FAM135B: variants seen among roughly 807,000 people sequenced by gnomAD.
FAM135B encodes the protein family with sequence similarity 135 member B, also known as protein FAM135B.
A neutral mutation model predicts 127.7 loss-of-function variants in FAM135B; 43 were observed. That is an observed-to-expected ratio of 0.34 (90% confidence interval 0.26 to 0.43). The LOEUF is 0.43. FAM135B is among the 20% of genes least tolerant of loss of function. FAM135B has a pLI of 1.00. For missense variants in FAM135B, 1,558 were observed against 1,725.6 expected (o/e 0.90, Z 1.72); for synonymous variants, 670 against 665.1 (o/e 1.01, Z -0.11).
intron 1 of FAM135B, among the ~76,000 whole-genome samples, chr8:138,492,565 T>C (rs954815817): frequency 1.3e-5 from 2 of 152,096 alleles, no homozygotes; most frequent in African/African-American, 4.8e-5. Flanking sequence ...AAAGACTGGC[T>C]TGCAAAACTC....
intron 7 of FAM135B, among the ~76,000 whole-genome samples, chr8:138,198,682 A>G (rs1221132645): frequency 1.3e-5 from 2 of 152,240 alleles, no homozygotes; most frequent in South Asian, 2.1e-4. Flanking sequence ...AACTGGTACA[A>G]TTACAAAGTA....
At chr8:138,381,277 A>G (rs1005236260) in intron 1 of FAM135B, among the ~76,000 whole-genome samples, 1 of 152,106 alleles carries the variant, frequency 6.6e-6, no homozygotes, top group African/African-American at 2.4e-5. Flanking sequence ...CACTACCTCT[A>G]AATATGGTTT....
rs368086363 is a variant in FAM135B, at chr8:138,178,667, G to A, written c.897C>T (p.Ile299=). Residue 299 remains isoleucine, a synonymous_variant, in exon 10 of 20, where the codon ATC becomes ATT. Coordinates refer to ENST00000395297, the MANE Select transcript of FAM135B (RefSeq NM_015912.4). ...CCAGATCCTTGCTTATCTGCTCAGC[G>A]ATCTTCTCTGGATTGTTCAACATCT... ...ELQMLNNPEK[I]AEQISKDLAW... is the part of the protein sequence containing the mutation. The A allele has an allele frequency of 1.2e-5, 19 of 1,613,520 alleles. No individual in the cohort carries two copies. The highest frequency in any genetic ancestry group is 1.7e-4 in the Middle Eastern group (1 of 6,054).
rs149219620 is a variant in FAM135B at position 138,170,404 on chromosome 8, T to C, written c.1104-2355A>G. On this transcript the variant is annotated intron_variant, in intron 11 of 19. Transcript: ENST00000395297. ...CACCTGGCTAATTTTGTATTTTTAGTAGGGACAGGGTTTTTCCGTGTTGGT... is the reference window on the plus strand; with the variant it reads ...CACCTGGCTAATTTTGTATTTTTAGCAGGGACAGGGTTTTTCCGTGTTGGT... 6.7e-3 allele frequency among the ~76,000 whole-genome samples: 1,021 copies of C among 152,034 alleles called. 9 individuals carry two copies. Among genetic ancestry groups the C allele is most frequent in the African/African-American group, 0.023 (938 of 41,454 alleles).
intron 2 of FAM135B, among the ~76,000 whole-genome samples, chr8:138,346,807 T>G (rs576531718): frequency 6.6e-6 from 1 of 152,196 alleles, no homozygotes; most frequent in South Asian, 2.1e-4. Flanking sequence ...ACCCTGCACA[T>G]GTACCCTGGA....
intron 1 of FAM135B, among the ~76,000 whole-genome samples, chr8:138,491,752 G>T (rs1564040819): frequency 6.6e-6 from 1 of 152,216 alleles, no homozygotes; most frequent in Non-Finnish European, 1.5e-5. Flanking sequence ...ATAAGAGACT[G>T]TCATTGTAGA....
intron 3 of FAM135B, among the ~76,000 whole-genome samples, chr8:138,303,460 A>G (rs965264896): frequency 1.1e-4 from 16 of 152,050 alleles, no homozygotes; most frequent in African/African-American, 3.4e-4. Flanking sequence ...GGGGAGGGAG[A>G]GCATTAGGAT....
intron 9 of FAM135B, among the ~76,000 whole-genome samples, chr8:138,189,604 G>C (rs929264294): frequency 2.0e-5 from 3 of 152,170 alleles, no homozygotes; most frequent in Admixed American, 2.0e-4. Context: ...AGATGCTGCT[G>C]TGAGGCCCAC....
chr8:138,321,682 T>G (rs1827463289), intron 2 of FAM135B, among the ~76,000 whole-genome samples: 1 of 152,148 alleles, frequency 6.6e-6, no homozygotes, highest in Admixed American at 6.5e-5. Flanking sequence ...ATTAAATGAT[T>G]TGTAATATGC....
intron 12 of FAM135B, among the ~76,000 whole-genome samples, chr8:138,157,935 T>C (rs1165275098): frequency 2.0e-5 from 3 of 152,124 alleles, no homozygotes; most frequent in Non-Finnish European, 4.4e-5. Flanking sequence ...CTTCACAGAA[T>C]TGGAAAAAAC....
Position 138,404,259 on chromosome 8 carries a change from T to A in FAM135B, c.-19-36257A>T, listed in dbSNP as rs546706071. On this transcript the variant is annotated intron_variant, in intron 1 of 19. Transcript: ENST00000395297. Reference sequence around the variant, plus strand: ...ATAATGTAGTCTATTAAGTGTGCAATGCCATTATGTTTAATTAAAAAAATG... The same window carrying A: ...ATAATGTAGTCTATTAAGTGTGCAAAGCCATTATGTTTAATTAAAAAAATG... Among the ~76,000 whole-genome samples the A allele has an allele frequency of 8.0e-4, 122 of 152,288 alleles. 1 individual carries two copies. The highest frequency in any genetic ancestry group is 1.8e-3 in the Admixed American group (28 of 15,296).
chr8:138,443,910 T>G (rs999594084), intron 1 of FAM135B, among the ~76,000 whole-genome samples: 4 of 152,016 alleles, frequency 2.6e-5, no homozygotes, highest in African/African-American at 7.2e-5. Context: ...GAAACCTACC[T>G]CATGTGCAGA....
In FAM135B at chr8:138,243,375, C is replaced by G. The variant is rs1310565379; in HGVS notation, c.543-307G>C. 6.6e-6 allele frequency among the ~76,000 whole-genome samples: 1 copy of G among 152,212 alleles called. No homozygotes were observed. The highest frequency in any genetic ancestry group is 6.5e-5 in the Admixed American group (1 of 15,290). ...GAAGCAGAGCTCCAAGCTTATATCA[C>G]TAGAGGGGAAGGTGGCATGGGCTCC... On this transcript the variant is annotated intron_variant, in intron 6 of 19. Transcript: ENST00000395297. This position sits in a 1 kb window ranked among gnomAD's most constrained non-coding sequence, Gnocchi z 7.5.
At chr8:138,214,165 T>C (rs949140985) in intron 7 of FAM135B, among the ~76,000 whole-genome samples, 1 of 152,008 alleles carries the variant, frequency 6.6e-6, no homozygotes, top group African/African-American at 2.4e-5. Flanking sequence ...TCAACAGAGA[T>C]CCCAGGAAAT....
intron 1 of FAM135B, among the ~76,000 whole-genome samples, chr8:138,404,306 T>C (rs536863690): frequency 2.8e-4 from 42 of 152,218 alleles, no homozygotes; most frequent in African/African-American, 9.6e-4. Context: ...TTTAAAACTA[T>C]GTTATTGCTA....
At chr8:138,476,535 A>T (rs1234000796) in intron 1 of FAM135B, among the ~76,000 whole-genome samples, 1 of 151,704 alleles carries the variant, frequency 6.6e-6, no homozygotes, top group Non-Finnish European at 1.5e-5. Context: ...AATTAAGTCT[A>T]TTAAAAACAG....
intron 2 of FAM135B, among the ~76,000 whole-genome samples, chr8:138,347,960 G>C (rs748328207): frequency 6.6e-6 from 1 of 151,914 alleles, no homozygotes; most frequent in African/African-American, 2.4e-5. Context: ...AGAGTACCAA[G>C]CTCACAGTAA....
intron 2 of FAM135B, among the ~76,000 whole-genome samples, chr8:138,356,917 A>T (rs1466080261): frequency 6.6e-6 from 1 of 152,172 alleles, no homozygotes; most frequent in Non-Finnish European, 1.5e-5. Flanking sequence ...GCTTTGTGAA[A>T]TGTCTTTTGC....
chr8:138,349,208 C>G (rs1023948138), intron 2 of FAM135B, among the ~76,000 whole-genome samples: 4 of 152,226 alleles, frequency 2.6e-5, no homozygotes, highest in African/African-American at 9.6e-5. Flanking sequence ...TCTGTGCCTC[C>G]TCACTTCTTC....
Sources: gnomAD v4.1 joint callset for allele counts (sites outside exome capture counted in the v4.1 genomes callset) on GRCh38, gnomAD v4.1.1 for gene constraint, Gnocchi (gnomAD v3.1) non-coding constraint, MANE v1.5 for transcripts, NCBI Gene and HGNC (gene_info 2026-07-23, HGNC 2026-07-21) for gene names.